Variants in RAB40C observed in about 807,000 individuals in gnomAD.
The protein encoded by RAB40C is ras-related protein Rab-40C.
In RAB40C, 8 loss-of-function variants were observed where a neutral mutation model predicts 28.1. The observed-to-expected ratio is 0.28, with a 90% CI of 0.17 to 0.51. RAB40C has a LOEUF of 0.51. Among genes scored for constraint, RAB40C ranks in the 20% least tolerant of loss-of-function variants. The pLI is 0.97. For missense variants in RAB40C, 288 were observed against 405.9 expected (o/e 0.71, Z 2.50); for synonymous variants, 201 against 171.7 (o/e 1.17, Z -1.34).
In RAB40C at chr16:627,529, C is replaced by A; in HGVS notation, c.753C>A (p.Gly251=). Residue 251 remains glycine, a synonymous_variant, in exon 6 of 6, where the codon GGC becomes GGA. Transcript: ENST00000248139. ...TGGCCAGCGGGGCCGGGGGCGGCGG[C>A]AGCAAGGGCAACAGCCTCAAGAGGT... ...YSLASGAGGG[G]SKGNSLKRSK... 6.2e-7 allele frequency: 1 copy of A among 1,613,608 alleles called. No homozygotes were observed. The highest frequency in any genetic ancestry group is 2.2e-5 in the East Asian group (1 of 44,888).
chr16:624,428 G>A (rs1330980922), intron 3 of RAB40C: 2 of 985,362 alleles, frequency 2.0e-6, no homozygotes, highest in East Asian at 2.3e-4. Flanking sequence ...CTCAGCGAGA[G>A]GTGTCCTTCC....
chr16:604,535 G>A (rs763890795), intron 1 of RAB40C, among the ~76,000 whole-genome samples: 1 of 151,044 alleles, frequency 6.6e-6, no homozygotes, highest in Non-Finnish European at 1.5e-5. Context: ...TCTTTCTGAA[G>A]GTGTTTCTCT....
At chr16:600,239 G>C (rs921806300) in intron 1 of RAB40C, among the ~76,000 whole-genome samples, 2 of 152,242 alleles carry the variant, frequency 1.3e-5, no homozygotes, top group African/African-American at 2.4e-5. Context: ...TGTGGGTCCT[G>C]CCTGCCCTGG....
intron 3 of RAB40C, among the ~76,000 whole-genome samples, chr16:622,896 G>A (rs1354961640): frequency 1.3e-5 from 2 of 152,204 alleles, no homozygotes; most frequent in African/African-American, 2.4e-5. Context: ...CTTGAGACAC[G>A]CAGCTGAGGG....
intron 1 of RAB40C, among the ~76,000 whole-genome samples, chr16:590,696 C>T (rs1382933600): frequency 6.6e-6 from 1 of 152,190 alleles, no homozygotes; most frequent in African/African-American, 2.4e-5. Flanking sequence ...GGGACGGTGT[C>T]ACGGGTCCGG....
chr16:626,225 G>A (rs1170230838), intron 5 of RAB40C, 104 bp downstream of exon 5: 12 of 1,240,870 alleles, frequency 9.7e-6, no homozygotes, highest in Non-Finnish European at 1.4e-5. Flanking sequence ...GGTTCAGGCA[G>A]GTCCCTTGGC....
chr16:591,520 G>A (rs1173960261), intron 1 of RAB40C, among the ~76,000 whole-genome samples: 1 of 152,128 alleles, frequency 6.6e-6, no homozygotes, highest in African/African-American at 2.4e-5. Context: ...GGGAGTCAAC[G>A]CTTTGTGCTA....
chr16:610,679 CG>C lies in RAB40C; in HGVS notation c.143-6526del, dbSNP rs1201388491. ...CCTGCCCCTGCGCCGTCCCCCAGCGCGGGCTCCAGGCCTCTCCTGGGTCACT... is the reference window on the plus strand; with the variant it reads ...CCTGCCCCTGCGCCGTCCCCCAGCGCGGCTCCAGGCCTCTCCTGGGTCACT... On this transcript the variant is annotated intron_variant, in intron 1 of 5. Transcript: ENST00000248139. The surrounding 1 kb of genome is among the most constrained non-coding windows in gnomAD (Gnocchi z 4.6). Among the ~76,000 whole-genome samples, 6 of 152,260 alleles carry C rather than the reference CG, an allele frequency of 3.9e-5. 1 individual carries two copies. The highest frequency in any genetic ancestry group is 1.4e-4 in the African/African-American group (6 of 41,558).
chr16:599,283 C>G (rs934200365), intron 1 of RAB40C, among the ~76,000 whole-genome samples: 31 of 152,384 alleles, frequency 2.0e-4, no homozygotes, highest in East Asian at 1.2e-3. Context: ...TCTGTGTCCT[C>G]AGGCTCTGCC....
chr16:622,399 C>A (rs1043467457), intron 3 of RAB40C, among the ~76,000 whole-genome samples: 1 of 151,512 alleles, frequency 6.6e-6, no homozygotes, highest in Non-Finnish European at 1.5e-5. Context: ...TGAGCGGCAC[C>A]GTGGACACGT....
At chr16:593,787 C>T (rs959209877) in intron 1 of RAB40C, among the ~76,000 whole-genome samples, 1 of 152,220 alleles carries the variant, frequency 6.6e-6, no homozygotes, top group African/African-American at 2.4e-5. Flanking sequence ...ATCTCTAGGT[C>T]TGGAAAGGCT....
chr16:617,387 A>G lies in RAB40C; in HGVS notation c.203+119A>G, dbSNP rs918990494. ...TGCATTTCACTTGGAAGAGCCACTT[A>G]CACAGCCCCTGTTTAAACATAGAAT... On this transcript the variant is annotated intron_variant, in intron 2 of 5. Coordinates refer to ENST00000248139, the MANE Select transcript of RAB40C (RefSeq NM_021168.5). 1.4e-5 allele frequency: 16 copies of G among 1,167,206 alleles called. No homozygotes were observed. In the African/African-American group the frequency reaches 1.8e-4, roughly 13 times the overall value. The allele number at this position is 1,167,206 out of a possible 1,614,324, so 72.3% of individuals were successfully genotyped here. A position where few individuals can be genotyped will look rare whatever the true frequency, so the allele number is the denominator to read the frequency against.
At chr16:611,364 G>C (rs2036481052) in intron 1 of RAB40C, among the ~76,000 whole-genome samples, 3 of 152,236 alleles carry the variant, frequency 2.0e-5, no homozygotes, top group African/African-American at 7.2e-5. Context: ...GCACGTCGAG[G>C]TGACCGTCAA....
At chr16:605,092 C>T (rs1190583442) in intron 1 of RAB40C, among the ~76,000 whole-genome samples, 3 of 151,990 alleles carry the variant, frequency 2.0e-5, no homozygotes, top group African/African-American at 7.3e-5. Context: ...TGTGGTGACG[C>T]ACACTTGTAA....
chr16:606,523 AG>A (rs1365131453), intron 1 of RAB40C, among the ~76,000 whole-genome samples: 1 of 151,828 alleles, frequency 6.6e-6, no homozygotes, highest in Non-Finnish European at 1.5e-5. Context: ...TCCTCAGTCC[AG>A]TGTGGGTTTC....
chr16:619,597 C>A (rs1016299229), intron 3 of RAB40C, among the ~76,000 whole-genome samples: 6 of 152,164 alleles, frequency 3.9e-5, no homozygotes, highest in Non-Finnish European at 8.8e-5. Flanking sequence ...GTCTGTGATG[C>A]CCCTAAGAGT....
intron 1 of RAB40C, among the ~76,000 whole-genome samples, chr16:594,375 A>G (rs2036067127): frequency 6.6e-6 from 1 of 152,114 alleles, no homozygotes; most frequent in South Asian, 2.1e-4. Context: ...TGGCGAGGCT[A>G]ACATCACGGT....
intron 1 of RAB40C, among the ~76,000 whole-genome samples, chr16:599,637 T>G (rs2036208147): frequency 6.8e-6 from 1 of 147,370 alleles, no homozygotes. Context: ...CCTCGTGGCA[T>G]TAATCAGCGT....
intron 1 of RAB40C, among the ~76,000 whole-genome samples, chr16:597,443 C>T (rs2036151452): frequency 6.6e-6 from 1 of 151,658 alleles, no homozygotes; most frequent in Non-Finnish European, 1.5e-5. Flanking sequence ...AAGACATGCC[C>T]ATCCTGTGAG....
Sources: gnomAD v4.1 joint callset for allele counts (sites outside exome capture counted in the v4.1 genomes callset) on GRCh38, gnomAD v4.1.1 for gene constraint, Gnocchi (gnomAD v3.1) non-coding constraint, MANE v1.5 for transcripts, NCBI Gene and HGNC (gene_info 2026-07-23, HGNC 2026-07-21) for gene names.